GFAP: variants seen among roughly 807,000 people sequenced by gnomAD.
GFAP encodes the protein intermediate filament protein.
In GFAP, 38 loss-of-function variants were observed where a neutral mutation model predicts 49.3. The observed-to-expected ratio is 0.77, with a 90% CI of 0.60 to 1.01. The LOEUF (loss-of-function observed/expected upper bound fraction) is 1.01. Ranked by LOEUF, GFAP falls within the 50% of genes least tolerant of loss-of-function variation. The pLI, the probability that GFAP is intolerant of heterozygous loss-of-function variation, is 0.00. For synonymous variants in GFAP, 222 were observed against 236.4 expected (o/e 0.94, Z 0.56); for missense variants, 463 against 579.1 (o/e 0.80, Z 2.06).
Position 44,904,460 on chromosome 17 carries a change from G to A in GFAP, c.*2887C>T, listed in dbSNP as rs1220129124. ...ACGCTACCTCAAGGCCGTGCCCGAT[G>A]TGGTGTCTTGTGGCTCAAGGGCTGT... On this transcript the variant is annotated 3_prime_UTR_variant, in exon 9 of 9. Transcript: ENST00000588735. 6.5e-7 allele frequency: 1 copy of A among 1,544,356 alleles called. No individual in the cohort carries two copies. Among genetic ancestry groups the A allele is most frequent in the Admixed American group, 2.0e-5 (1 of 50,674 alleles).
rs747503356 is a variant in GFAP, at chr17:44,911,412, G to A, written c.951C>T (p.His317=). ...CCTGATAACTGGCCGCCTCCCGCACGTGCCGCTCCTCCTGCTCGCGCATCT... is the reference window on the plus strand; with the variant it reads ...CCTGATAACTGGCCGCCTCCCGCACATGCCGCTCCTCCTGCTCGCGCATCT... ...ERQMREQEER[H]VREAASYQEA... The change falls in exon 6 of 9, where the codon CAC becomes CAT. Residue 317 remains histidine, a synonymous_variant. Coordinates refer to ENST00000588735, the MANE Select transcript of GFAP (RefSeq NM_002055.5). 2.5e-6 allele frequency: 4 copies of A among 1,612,726 alleles called. No homozygotes were observed. Among genetic ancestry groups the A allele is most frequent in the Non-Finnish European group, 1.7e-6 (2 of 1,179,536 alleles).
intron 7 of GFAP, chr17:44,910,303 CA>C: frequency 6.2e-7 from 1 of 1,613,840 alleles, no homozygotes. Flanking sequence ...AGAAAACACT[CA>C]GAAGGGCAGT....
At chr17:44,909,799 A>G in intron 7 of GFAP, 2 of 1,154,374 alleles carry the variant, frequency 1.7e-6, no homozygotes, top group Non-Finnish European at 2.1e-6. Flanking sequence ...AGAATAAAGC[A>G]GAGAGCCTGG....
At chr17:44,911,549 C>T (rs1402995904) in intron 5 of GFAP, 93 bp from the exon 6 acceptor site, 2 of 1,561,366 alleles carry the variant, frequency 1.3e-6, no homozygotes, top group East Asian at 2.3e-5. Flanking sequence ...CGCCTCTAGC[C>T]CGGGGGTAAC....
rs73307479 is a variant in GFAP at position 44,911,051 on chromosome 17, C to T, written c.1127+185G>A. On this transcript the variant is annotated intron_variant, in intron 6 of 8. Transcript: ENST00000588735. ...CTAATCAATATTGGTTGAATCCATC[C>T]ATCCATTCAGTCATCAAACATCTAG... Among the ~76,000 whole-genome samples, 441 of 152,308 alleles carry T rather than the reference C, an allele frequency of 2.9e-3. 3 individuals carry two copies. The highest frequency in any genetic ancestry group is 1.0e-2 in the African/African-American group (415 of 41,566).
chr17:44,912,938 C>T, intron 4 of GFAP: 1 of 355,224 alleles, frequency 2.8e-6, no homozygotes, highest in Non-Finnish European at 5.4e-6. Context: ...TGACTTTGAG[C>T]AAATTAGTTA....
intron 4 of GFAP, chr17:44,912,963 C>T (rs752043170): frequency 2.5e-5 from 10 of 406,472 alleles, no homozygotes; most frequent in Non-Finnish European, 4.2e-5. Context: ...CTCTGGACTT[C>T]GGCTCTCTCA....
Position 44,905,182 on chromosome 17 carries a change from C to G in GFAP, c.*2165G>C. ...GGGACAGGTGGTAGGAACATGTGGA[C>G]AAATCTGTTACAGCCTGCTCCCCAT... On this transcript the variant is annotated 3_prime_UTR_variant, in exon 9 of 9. Coordinates refer to ENST00000588735, the MANE Select transcript of GFAP (RefSeq NM_002055.5). 1.2e-6 allele frequency: 1 copy of G among 819,690 alleles called. No individual in the cohort carries two copies. Among genetic ancestry groups the G allele is most frequent in the Non-Finnish European group, 1.9e-6 (1 of 520,524 alleles). The allele number at this position is 819,690 out of a possible 1,614,324, so 50.8% of individuals were successfully genotyped here. A position where few individuals can be genotyped will look rare whatever the true frequency, so the allele number is the denominator to read the frequency against.
Position 44,913,266 on chromosome 17 carries a change from T to A in GFAP, c.780+3A>T, listed in dbSNP as rs371155222. On this transcript the variant is annotated splice_donor_region_variant and intron_variant, in intron 4 of 8. Transcript: ENST00000588735. ...AGGCAGGCTGGCCCACAGGCAGGGCTACCTTGGAGCGGTACCACTCTTCGG... is the reference window on the plus strand; with the variant it reads ...AGGCAGGCTGGCCCACAGGCAGGGCAACCTTGGAGCGGTACCACTCTTCGG... 1 of 1,614,078 alleles carries A rather than the reference T, an allele frequency of 6.2e-7. No homozygotes were observed. The highest frequency in any genetic ancestry group is 8.5e-7 in the Non-Finnish European group (1 of 1,179,960).
chr17:44,904,331 G>A lies in GFAP; in HGVS notation c.*3016C>T, dbSNP rs1229525922. 1 of 1,543,288 alleles carries A rather than the reference G, an allele frequency of 6.5e-7. No individual in the cohort carries two copies. Among genetic ancestry groups the A allele is most frequent in the East Asian group, 2.4e-5 (1 of 40,866 alleles). ...AGATGAATACTATGGGCACCTCCAT[G>A]TCTTCACCACCTTCTGGGAATGGAC... On this transcript the variant is annotated 3_prime_UTR_variant, in exon 9 of 9. Coordinates refer to ENST00000588735, the MANE Select transcript of GFAP (RefSeq NM_002055.5).
rs746370529 is a variant in GFAP at position 44,908,065 on chromosome 17, T to C, written c.1256A>G (p.Glu419Gly). 3.7e-6 allele frequency: 6 copies of C among 1,602,322 alleles called. No homozygotes were observed. The highest frequency in any genetic ancestry group is 4.3e-6 in the Non-Finnish European group (5 of 1,169,686). Reference sequence around the variant, plus strand: ...GACTGGGCCCAAATCCCTCCTTACCTCTCCATCCCGCATCTCCACGGTCTT... The same window carrying C: ...GACTGGGCCCAAATCCCTCCTTACCCCTCCATCCCGCATCTCCACGGTCTT... ...VVKTVEMRDG[E>G]VIKESKQEHK... The change falls in exon 8 of 9, where the codon GAG (glutamate) becomes GGG (glycine). Residue 419 changes from glutamate to glycine, a missense_variant and splice_region_variant. Around this residue, in one of 3 missense-constraint regions of GFAP, gnomAD observed 362 missense variants for 445.5 expected, o/e 0.81. Coordinates refer to ENST00000588735, the MANE Select transcript of GFAP (RefSeq NM_002055.5).
chr17:44,910,372 C>T (rs753188187), intron 7 of GFAP: 8 of 1,609,058 alleles, frequency 5.0e-6, no homozygotes, highest in South Asian at 2.2e-5. Flanking sequence ...GTTCTGCTGT[C>T]GAATGGGGTG....
At chr17:44,908,334 C>CCAGAGTCCTGGCTGCTCTGTCCAGT (rs1555573517) in intron 7 of GFAP, 185 bp from the exon 8 acceptor site, 2 of 565,490 alleles carry the variant, frequency 3.5e-6, no homozygotes, top group Non-Finnish European at 6.3e-6. Context: ...AGTGCTGCTG[C>CCAGAGTCCTGGCTGCTCTGTCCAGT]CAGAGTCCTG....
In GFAP at chr17:44,903,598, T is replaced by C. The variant is rs575297264; in HGVS notation, c.*3749A>G. ...TAAAGGCCAGGTTCTAGAATGGCTT[T>C]CCCCCCCCACCCTGAGATCAGGTCT... On this transcript the variant is annotated 3_prime_UTR_variant, in exon 9 of 9. Coordinates refer to ENST00000588735, the MANE Select transcript of GFAP (RefSeq NM_002055.5). 77 of 1,400,338 alleles carry C rather than the reference T, an allele frequency of 5.5e-5. No individual in the cohort carries two copies. The highest frequency in any genetic ancestry group is 1.9e-4 in the South Asian group (11 of 59,038). The allele number at this position is 1,400,338 out of a possible 1,614,324, so 86.7% of individuals were successfully genotyped here.
rs373961432 is a variant in GFAP, at chr17:44,911,443, T to G, written c.920A>C (p.Glu307Ala). 33 of 1,608,152 alleles carry G rather than the reference T, an allele frequency of 2.1e-5. No individual in the cohort carries two copies. The highest frequency in any genetic ancestry group is 2.5e-5 in the Non-Finnish European group (30 of 1,177,738). ...ESLRGTNESL[E>A]RQMREQEERH... ...CTCCTCCTGCTCGCGCATCTGCCTC[T>G]CCAGGGACTCGTTCTGTGGGATGGA... Residue 307 changes from glutamate to alanine, a missense_variant, in exon 6 of 9, where the codon GAG becomes GCG. By Grantham distance (107) the Glu-to-Ala change is moderately radical. Transcript: ENST00000588735.
intron 8 of GFAP, chr17:44,907,630 G>T: frequency 1.6e-6 from 1 of 607,386 alleles, no homozygotes; most frequent in Non-Finnish European, 3.0e-6. Flanking sequence ...TCCCACTGTG[G>T]TTGGAGTGGC....
At position 44,904,084 on chromosome 17, in the gene GFAP, G is replaced by A; in HGVS notation, c.*3263C>T. On this transcript the variant is annotated 3_prime_UTR_variant, in exon 9 of 9. Coordinates refer to ENST00000588735, the MANE Select transcript of GFAP (RefSeq NM_002055.5). ...AAGTGCTGACGGACTTTGATGGGCG[G>A]GTGCTGACGGAGGCAGCCCAGGTAC... is the stretch of plus-strand genomic sequence containing the variant. The A allele has an allele frequency of 6.4e-7, 1 of 1,550,636 alleles. No individual in the cohort carries two copies. Among genetic ancestry groups the A allele is most frequent in the Non-Finnish European group, 8.7e-7 (1 of 1,147,010 alleles).
Position 44,907,246 on chromosome 17 carries a change from G to T in GFAP, c.*101C>A. Reference sequence around the variant, plus strand: ...AGGGGAGCAGCTGGGGTGGTGGGGAGCTCAGGTCTGGGGAAATGTGCCAGC... The same window carrying T: ...AGGGGAGCAGCTGGGGTGGTGGGGATCTCAGGTCTGGGGAAATGTGCCAGC... On this transcript the variant is annotated 3_prime_UTR_variant, in exon 9 of 9. Coordinates refer to ENST00000588735, the MANE Select transcript of GFAP (RefSeq NM_002055.5). The T allele has an allele frequency of 9.1e-7, 1 of 1,102,170 alleles. No individual in the cohort carries two copies. The highest frequency in any genetic ancestry group is 1.7e-5 in the Admixed American group (1 of 58,354). 68.3% of individuals were successfully genotyped at this position (1,102,170 alleles called of 1,614,324 possible). A position where few individuals can be genotyped will look rare whatever the true frequency, so the allele number is the denominator to read the frequency against.
In GFAP at chr17:44,903,960, T is replaced by C. The variant is rs1408849585; in HGVS notation, c.*3387A>G. 1.3e-6 allele frequency: 2 copies of C among 1,550,528 alleles called. No homozygotes were observed. Among genetic ancestry groups the C allele is most frequent in the Admixed American group, 2.0e-5 (1 of 50,992 alleles). On this transcript the variant is annotated 3_prime_UTR_variant, in exon 9 of 9. Transcript: ENST00000588735. ...CTGATGTTTGAAAATGCAGCCTACC[T>C]GGCCGACATGAGCTTTGAGCTTCCC...
Sources: allele counts gnomAD v4.1 joint callset (sites outside exome capture counted in the v4.1 genomes callset), GRCh38; gene constraint gnomAD v4.1.1; regional missense constraint gnomAD v4.1.1; transcripts MANE v1.5; gene names NCBI Gene and HGNC (gene_info 2026-07-23, HGNC 2026-07-21).